Variants in TOPORS observed in about 807,000 individuals in gnomAD.
TOPORS encodes the protein TOP1 binding arginine/serine rich protein, E3 ubiquitin ligase.
TOPORS carries 25 observed loss-of-function variants against 81.4 expected under a neutral mutation model. That is an observed-to-expected ratio of 0.31 (90% CI 0.22 to 0.43). The LOEUF (loss-of-function observed/expected upper bound fraction) is 0.43. TOPORS is among the 20% of genes least tolerant of loss of function. The pLI is 1.00. For synonymous variants in TOPORS, 473 were observed against 456.6 expected (o/e 1.04, Z -0.46); for missense variants, 1,101 against 1,267.0 (o/e 0.87, Z 1.99).
Position 32,542,532 on chromosome 9 carries a change from CACT to C in TOPORS, c.1990_1992del (p.Ser664del). 1.2e-6 allele frequency: 2 copies of C among 1,614,086 alleles called. No homozygotes were observed. Among genetic ancestry groups the C allele is most frequent in the Non-Finnish European group, 1.7e-6 (2 of 1,180,032 alleles). On this transcript the variant is annotated inframe_deletion, in exon 3 of 3. Coordinates refer to ENST00000360538, the MANE Select transcript of TOPORS (RefSeq NM_005802.5). ...CGAGACCTTGATCTGCTTGTGCTTT[CACT>C]ACTTAGAGACAGAGTTTGGCTTCTT... is the stretch of plus-strand genomic sequence containing the variant.
At chr9:32,547,983 C>A (rs1363270949) in intron 2 of TOPORS, among the ~76,000 whole-genome samples, 6 of 150,298 alleles carry the variant, frequency 4.0e-5, no homozygotes, top group Non-Finnish European at 5.9e-5. Flanking sequence ...TACAGGCGCC[C>A]GCCACCACGC....
At chr9:32,544,977 CAT>C (rs1821123038) in intron 2 of TOPORS, among the ~76,000 whole-genome samples, 1 of 152,230 alleles carries the variant, frequency 6.6e-6, no homozygotes, top group Admixed American at 6.5e-5. Flanking sequence ...ACTTTGGTGA[CAT>C]AACTTACATA....
rs146483990 is a variant in TOPORS, at chr9:32,543,146, C to G, written c.1379G>C (p.Gly460Ala). 6.2e-7 allele frequency: 1 copy of G among 1,614,066 alleles called. No homozygotes were observed. Among genetic ancestry groups the G allele is most frequent in the Non-Finnish European group, 8.5e-7 (1 of 1,180,020 alleles). ...VTGGATSQIQ[G>A]VQTNDDLNND... ...ATTTAGGTCGTCATTGGTTTGTACT[C>G]CTTGTATCTGAGACGTGGCTCCTCC... is the stretch of plus-strand genomic sequence containing the variant. Residue 460 changes from glycine to alanine, a missense_variant, in exon 3 of 3, where the codon GGA (glycine) becomes GCA (alanine). Physicochemically the swap from Gly to Ala is moderately conservative, Grantham distance 60. This residue lies in a region of TOPORS where 103 missense variants were observed against 112.1 expected (regional missense o/e 0.92). Transcript: ENST00000360538. The surrounding 1 kb of genome is among the most constrained non-coding windows in gnomAD (Gnocchi z 5.6).
At position 32,541,629 on chromosome 9, in the gene TOPORS, A is replaced by AT. The variant is rs1246790145; in HGVS notation, c.2895dup (p.Cys966MetfsTer2). 1 of 1,614,234 alleles carries AT rather than the reference A, an allele frequency of 6.2e-7. No individual in the cohort carries two copies. Among genetic ancestry groups the AT allele is most frequent in the Admixed American group, 1.7e-5 (1 of 60,036 alleles). On this transcript the variant is annotated frameshift_variant, in exon 3 of 3. Transcript: ENST00000360538. LOFTEE classifies it high-confidence loss of function. Reference sequence around the variant, plus strand: ...TTGTTACTAAGTGTGGCAATATCACATTCCTTGTCCAGCACACCAAATTCA... The same window carrying AT: ...TTGTTACTAAGTGTGGCAATATCACATTTCCTTGTCCAGCACACCAAATTCA...
chr9:32,552,213 G>C (rs769905266), intron 1 of TOPORS: 6 of 600,782 alleles, frequency 1.0e-5, no homozygotes, highest in South Asian at 8.0e-5. Context: ...ACATTTTCTC[G>C]TTTATTCCCC....
At chr9:32,550,729 C>A (rs555058970) in intron 2 of TOPORS, 45 bp downstream of exon 2, 4 of 1,606,474 alleles carry the variant, frequency 2.5e-6, no homozygotes, top group East Asian at 2.2e-5. Flanking sequence ...CCAACTCCCA[C>A]GGCCCTTCCG....
Position 32,541,208 on chromosome 9 carries a change from A to G in TOPORS, c.*179T>C. The stretch of plus-strand genomic sequence containing the variant: ...AAGTGCATATCTTTGAGGGTGGGAC[A>G]TACATTTTGAACAAATAATGATTTT... On this transcript the variant is annotated 3_prime_UTR_variant, in exon 3 of 3. Coordinates refer to ENST00000360538, the MANE Select transcript of TOPORS (RefSeq NM_005802.5). 1.6e-6 allele frequency: 1 copy of G among 624,484 alleles called. No homozygotes were observed. Among genetic ancestry groups the G allele is most frequent in the Non-Finnish European group, 2.7e-6 (1 of 366,854 alleles). The allele number at this position is 624,484 out of a possible 1,614,324, so 38.7% of individuals were successfully genotyped here. A position where few individuals can be genotyped will look rare whatever the true frequency, so the allele number is the denominator to read the frequency against.
Position 32,552,510 on chromosome 9 carries a change from T to G in TOPORS, c.-74A>C. 3 of 1,567,866 alleles carry G rather than the reference T, an allele frequency of 1.9e-6. No homozygotes were observed. The highest frequency in any genetic ancestry group is 2.6e-6 in the Non-Finnish European group (3 of 1,155,228). ...TCCCGGGGATCGCGGGCCCCCACCG[T>G]GTCGACTCACTGGGCCCGCAGGCGG... On this transcript the variant is annotated 5_prime_UTR_variant, in exon 1 of 3. Transcript: ENST00000360538.
rs757972118 is a variant in TOPORS at position 32,543,690 on chromosome 9, T to C, written c.835A>G (p.Arg279Gly). 1.2e-6 allele frequency: 2 copies of C among 1,613,022 alleles called. No homozygotes were observed. Among genetic ancestry groups the C allele is most frequent in the Non-Finnish European group, 1.7e-6 (2 of 1,179,776 alleles). The change falls in exon 3 of 3, where the codon AGG becomes GGG. Residue 279 changes from arginine (R) to glycine (G), a missense_variant. By Grantham distance (125) the Arg-to-Gly change is moderately radical. Transcript: ENST00000360538. The surrounding 1 kb of genome is among the most constrained non-coding windows in gnomAD (Gnocchi z 5.6). Reference sequence around the variant, plus strand: ...CGGAAAAATTCAGCTGAAATATCCCTGTAGCGGCCACCATCTTCAATATTT... The same window carrying C: ...CGGAAAAATTCAGCTGAAATATCCCCGTAGCGGCCACCATCTTCAATATTT... ...VRNIEDGGRY[R>G]DISAEFFRRN...
At position 32,542,362 on chromosome 9, in the gene TOPORS, C is replaced by T; in HGVS notation, c.2163G>A (p.Arg721=). Residue 721 remains arginine (R), a synonymous_variant, in exon 3 of 3, where the codon AGG becomes AGA. Transcript: ENST00000360538. The stretch of plus-strand genomic sequence containing the variant: ...AATGAGCTCTGGACAGAGTCCTCCT[C>T]CTGTAAGATGATTCGTACCCATCCC... The part of the protein sequence containing the change: ...KDRDGYESSY[R]RRTLSRAHYS... The T allele has an allele frequency of 6.2e-7, 1 of 1,614,134 alleles. No homozygotes were observed. The highest frequency in any genetic ancestry group is 1.6e-4 in the Middle Eastern group (1 of 6,062).
At chr9:32,544,453 TG>T (rs1473508819) in intron 2 of TOPORS, 127 bp from the exon 3 acceptor site, 1 of 947,580 alleles carries the variant, frequency 1.1e-6, no homozygotes, top group Admixed American at 2.5e-5. Context: ...CCATTACTTT[TG>T]TTTTATTTTA....
chr9:32,552,330 C>G (rs1254319963), intron 1 of TOPORS, 104 bp downstream of exon 1: 7 of 1,519,016 alleles, frequency 4.6e-6, no homozygotes, highest in Non-Finnish European at 5.4e-6. Flanking sequence ...GGCGCTCGTG[C>G]CCGGCTAAAA....
Position 32,550,828 on chromosome 9 carries a change from G to A in TOPORS, c.144C>T (p.Gly48=). The A allele has an allele frequency of 1.2e-6, 2 of 1,612,900 alleles. No individual in the cohort carries two copies. Among genetic ancestry groups the A allele is most frequent in the Non-Finnish European group, 1.7e-6 (2 of 1,179,740 alleles). ...GGGCGCTCGCCGCGAGCTCCCGGCAGCCCAGAAAGCTAGGTCGGTGTCGGC... is the reference window on the plus strand; with the variant it reads ...GGGCGCTCGCCGCGAGCTCCCGGCAACCCAGAAAGCTAGGTCGGTGTCGGC... The part of the protein sequence containing the change: ...GSCRHRPSFL[G]CRELAASAPA... Residue 48 remains glycine (G), a synonymous_variant, in exon 2 of 3, where the codon GGC becomes GGT. Coordinates refer to ENST00000360538, the MANE Select transcript of TOPORS (RefSeq NM_005802.5).
chr9:32,542,455 A>G lies in TOPORS; in HGVS notation c.2070T>C (p.Tyr690=). ...RRSRSRNRDR[Y]YLRNNYGSRY... ...TGCTTCCATAATTATTTCTTAAATA[A>G]TAACGATCTCTATTTCTGCTCCGTG... The change falls in exon 3 of 3, where the codon TAT becomes TAC. Residue 690 remains tyrosine, a synonymous_variant. Transcript: ENST00000360538. 1 of 1,613,620 alleles carries G rather than the reference A, an allele frequency of 6.2e-7. No homozygotes were observed. The highest frequency in any genetic ancestry group is 2.2e-5 in the East Asian group (1 of 44,864).
At position 32,544,238 on chromosome 9, in the gene TOPORS, T is replaced by C; in HGVS notation, c.287A>G (p.Asp96Gly). 2 of 1,610,314 alleles carry C rather than the reference T, an allele frequency of 1.2e-6. No homozygotes were observed. The highest frequency in any genetic ancestry group is 1.7e-6 in the Non-Finnish European group (2 of 1,179,974). The change falls in exon 3 of 3, where the codon GAT (aspartate) becomes GGT (glycine). Residue 96 changes from aspartate (D) to glycine (G), a missense_variant. Asp to Gly is a moderately conservative substitution (Grantham distance 94). This residue lies in a region of TOPORS where 48 missense variants were observed against 73.3 expected (regional missense o/e 0.65). Coordinates refer to ENST00000360538, the MANE Select transcript of TOPORS (RefSeq NM_005802.5). ...AGGACACTTAGAATCAGGAGATGCA[T>C]CAGCTGGTACTGTCTGTTGCAATTT... The part of the protein sequence containing the change: ...TSKLQQTVPA[D>G]ASPDSKCPIC...
Position 32,542,917 on chromosome 9 carries a change from G to A in TOPORS, c.1608C>T (p.His536=), listed in dbSNP as rs1249763096. ...TTTGTTCATCCTTTCCAAGGACAGA[G>A]TGTGGAGATGAGCATCTACTAACAT... ...DSDVSRCSSP[H]SVLGKDEQIN... is the part of the protein sequence containing the mutation. The change falls in exon 3 of 3, where the codon CAC becomes CAT. Residue 536 remains histidine, a synonymous_variant. Transcript: ENST00000360538. 1 of 1,614,154 alleles carries A rather than the reference G, an allele frequency of 6.2e-7. No homozygotes were observed. Among genetic ancestry groups the A allele is most frequent in the Admixed American group, 1.7e-5 (1 of 60,020 alleles).
chr9:32,541,797 T>C lies in TOPORS; in HGVS notation c.2728A>G (p.Ile910Val), dbSNP rs1247917123. The C allele has an allele frequency of 1.2e-6, 2 of 1,614,226 alleles. No homozygotes were observed. Among genetic ancestry groups the C allele is most frequent in the Admixed American group, 3.3e-5 (2 of 60,024 alleles). ...GAATCCTTATCACTGTCACTGTCAATGGTAATTACAACTGGGGAACGTGAA... is the reference window on the plus strand; with the variant it reads ...GAATCCTTATCACTGTCACTGTCAACGGTAATTACAACTGGGGAACGTGAA... ...NASRSPVVIT[I>V]DSDSDKDSEV... Residue 910 changes from isoleucine (I) to valine (V), a missense_variant, in exon 3 of 3, where the codon ATT becomes GTT. By Grantham distance (29) the Ile-to-Val change is conservative. Around this residue, in one of 9 missense-constraint regions of TOPORS, gnomAD observed 605 missense variants for 636.1 expected, o/e 0.95. Transcript: ENST00000360538.
chr9:32,552,410 C>T (rs1011917534), intron 1 of TOPORS, 24 bp downstream of exon 1: 8 of 1,608,804 alleles, frequency 5.0e-6, no homozygotes, highest in African/African-American at 2.7e-5. Context: ...CGCCAGCTCC[C>T]GCGGACTGCT....
intron 1 of TOPORS, chr9:32,551,377 G>A: frequency 3.0e-6 from 1 of 337,638 alleles, no homozygotes; most frequent in South Asian, 2.4e-5. Flanking sequence ...CCTGTTGTAC[G>A]CCTCCCGGAA....
Sources: gnomAD v4.1 joint callset for allele counts (sites outside exome capture counted in the v4.1 genomes callset) on GRCh38, gnomAD v4.1.1 for gene constraint, gnomAD v4.1.1 regional missense constraint, Gnocchi (gnomAD v3.1) non-coding constraint, MANE v1.5 for transcripts, NCBI Gene and HGNC (gene_info 2026-07-23, HGNC 2026-07-21) for gene names.